MCTP1: variants seen among roughly 807,000 people sequenced by gnomAD.
MCTP1 encodes multiple C2 and transmembrane domain containing 1, also known as multiple C2 and transmembrane domain-containing protein 1.
In MCTP1, 69 loss-of-function variants were observed where a neutral mutation model predicts 120.6. The observed-to-expected ratio is 0.57, with a 90% CI of 0.47 to 0.70. The LOEUF (loss-of-function observed/expected upper bound fraction) is 0.70. Ranked by LOEUF, MCTP1 falls within the 30% of genes least tolerant of loss-of-function variation. The pLI, the probability that MCTP1 is intolerant of heterozygous loss-of-function variation, is 0.00. For missense variants in MCTP1, 1,203 were observed against 1,248.8 expected (o/e 0.96, Z 0.55); for synonymous variants, 529 against 493.1 (o/e 1.07, Z -0.96).
chr5:94,745,803 A>G (rs1766761992), intron 19 of MCTP1, among the ~76,000 whole-genome samples: 1 of 152,226 alleles, frequency 6.6e-6, no homozygotes, highest in Non-Finnish European at 1.5e-5. Flanking sequence ...TAGATTAGGT[A>G]GTAGAGTTAA....
intron 6 of MCTP1, chr5:94,931,722 G>A (rs1814735071): frequency 4.0e-6 from 2 of 498,946 alleles, no homozygotes; most frequent in Non-Finnish European, 7.1e-6. Context: ...CAGATGCTGA[G>A]AATGATGTTG....
intron 1 of MCTP1, among the ~76,000 whole-genome samples, chr5:95,216,615 A>G (rs952932781): frequency 5.3e-5 from 8 of 151,666 alleles, no homozygotes; most frequent in African/African-American, 1.9e-4. Context: ...AAGGTGTCCG[A>G]TATCACAGCA....
In MCTP1 at chr5:94,932,104, G is replaced by A. The variant is rs192711020; in HGVS notation, c.1174-113C>T. On this transcript the variant is annotated intron_variant, in intron 5 of 22. Coordinates refer to ENST00000515393, the MANE Select transcript of MCTP1 (RefSeq NM_024717.7). ...GCCCTTGAAACAGCGAACAGTTCCT[G>A]CAGCAATTATACAACACAAAACTTG... 1.1e-3 allele frequency: 708 copies of A among 666,238 alleles called. 3 individuals are homozygous for A. Among genetic ancestry groups the A allele is most frequent in the Non-Finnish European group, 7.6e-4 (294 of 384,638 alleles). The allele number at this position is 666,238 out of a possible 1,614,324, so 41.3% of individuals were successfully genotyped here.
chr5:95,126,110 G>A lies in MCTP1; in HGVS notation c.721-108626C>T, dbSNP rs77199640. Among the ~76,000 whole-genome samples, 745 of 152,222 alleles carry A rather than the reference G, an allele frequency of 4.9e-3. 4 individuals carry two copies. Among genetic ancestry groups the A allele is most frequent in the Admixed American group, 7.7e-3 (118 of 15,284 alleles). On this transcript the variant is annotated intron_variant, in intron 1 of 22. Coordinates refer to ENST00000515393, the MANE Select transcript of MCTP1 (RefSeq NM_024717.7). ...ATTTATACTATGTGCTAGAGCTATG[G>A]GGGGAGAAAAGGGAGGGAGAAGATA...
intron 1 of MCTP1, among the ~76,000 whole-genome samples, chr5:95,089,283 A>G (rs910482281): frequency 2.6e-5 from 4 of 152,212 alleles, no homozygotes; most frequent in African/African-American, 9.6e-5. Flanking sequence ...GGAGGTAAAC[A>G]TTGGAATACT....
At chr5:94,947,589 G>T (rs868657792) in intron 3 of MCTP1, among the ~76,000 whole-genome samples, 3,904 of 54,896 alleles carry the variant, frequency 0.071, 108 homozygotes, top group East Asian at 0.093. Context: ...GAGAGAGAGA[G>T]AGAGAGAGAG....
At chr5:95,156,383 G>T (rs1177317062) in intron 1 of MCTP1, among the ~76,000 whole-genome samples, 1 of 152,170 alleles carries the variant, frequency 6.6e-6, no homozygotes, top group Admixed American at 6.5e-5. Flanking sequence ...GTGAATTAAA[G>T]ATATTCTGAA....
intron 19 of MCTP1, among the ~76,000 whole-genome samples, chr5:94,752,064 T>A (rs759309441): frequency 1.1e-4 from 16 of 141,576 alleles, no homozygotes; most frequent in Non-Finnish European, 2.3e-4. Context: ...CATATGTAAC[T>A]AACCTGCACA....
intron 1 of MCTP1, among the ~76,000 whole-genome samples, chr5:95,248,205 T>G (rs574666255): frequency 4.1e-4 from 63 of 152,268 alleles, no homozygotes; most frequent in African/African-American, 1.5e-3. Flanking sequence ...ATAAAGGGTA[T>G]TCGACTAGGA....
intron 10 of MCTP1, 78 bp downstream of exon 10, chr5:94,909,173 C>A (rs1433276266): frequency 1.3e-6 from 2 of 1,487,126 alleles, no homozygotes; most frequent in African/African-American, 2.8e-5. Flanking sequence ...AGATCATTTA[C>A]AATAACCAGG....
intron 2 of MCTP1, among the ~76,000 whole-genome samples, chr5:94,955,053 A>G (rs1822199053): frequency 6.6e-6 from 1 of 152,074 alleles, no homozygotes; most frequent in East Asian, 1.9e-4. Context: ...TGCATTTCCA[A>G]CTGAGGTACC....
At chr5:95,078,227 A>G (rs1754111635) in intron 1 of MCTP1, among the ~76,000 whole-genome samples, 1 of 152,214 alleles carries the variant, frequency 6.6e-6, no homozygotes, top group Non-Finnish European at 1.5e-5. Flanking sequence ...TCCTTCCCAA[A>G]TGATGACTTT....
At chr5:94,817,307 C>G (rs1784658483) in intron 17 of MCTP1, among the ~76,000 whole-genome samples, 1 of 152,116 alleles carries the variant, frequency 6.6e-6, no homozygotes, top group Non-Finnish European at 1.5e-5. Context: ...ATTTGGGAGG[C>G]TGAGGCATGA....
intron 1 of MCTP1, 47 bp downstream of exon 1, chr5:95,283,809 G>A: frequency 1.5e-6 from 2 of 1,313,686 alleles, no homozygotes; most frequent in Non-Finnish European, 1.9e-6. Flanking sequence ...TGAAGAGGGA[G>A]GCGTGGTCCC....
chr5:94,945,947 T>C lies in MCTP1; in HGVS notation c.982-3520A>G, dbSNP rs544031216. Among the ~76,000 whole-genome samples the C allele has an allele frequency of 2.1e-3, 327 of 152,240 alleles. 1 individual carries two copies. Among genetic ancestry groups the C allele is most frequent in the African/African-American group, 7.8e-3 (322 of 41,544 alleles). ...AAGCAAGAGAAGAGTGCTGGAACAT[T>C]AGTTCAGGCTTAGGCCGTGGGGCCT... On this transcript the variant is annotated intron_variant, in intron 3 of 22. Coordinates refer to ENST00000515393, the MANE Select transcript of MCTP1 (RefSeq NM_024717.7).
chr5:95,138,663 C>T (rs1001234688), intron 1 of MCTP1, among the ~76,000 whole-genome samples: 1 of 152,176 alleles, frequency 6.6e-6, no homozygotes, highest in African/African-American at 2.4e-5. Context: ...CACTGACTGC[C>T]ATGTGAGCCG....
intron 1 of MCTP1, among the ~76,000 whole-genome samples, chr5:95,080,736 G>A (rs1754733118): frequency 6.6e-6 from 1 of 152,124 alleles, no homozygotes; most frequent in South Asian, 2.1e-4. Context: ...TAAAGAATTT[G>A]AAAAATAAAC....
At chr5:95,109,690 T>A (rs1320325678) in intron 1 of MCTP1, among the ~76,000 whole-genome samples, 2 of 152,216 alleles carry the variant, frequency 1.3e-5, no homozygotes, top group Non-Finnish European at 2.9e-5. Flanking sequence ...TTGACTTTCA[T>A]GAGGGAGCTA....
intron 2 of MCTP1, among the ~76,000 whole-genome samples, chr5:94,960,655 C>T (rs1823895781): frequency 6.6e-6 from 1 of 152,108 alleles, no homozygotes; most frequent in African/African-American, 2.4e-5. Context: ...GGCCAAGAAA[C>T]ATATGAAAAA....
Sources: allele counts gnomAD v4.1 joint callset (sites outside exome capture counted in the v4.1 genomes callset), GRCh38; gene constraint gnomAD v4.1.1; transcripts MANE v1.5; gene names NCBI Gene and HGNC (gene_info 2026-07-23, HGNC 2026-07-21).